HNRNPM: variants seen among roughly 807,000 people sequenced by gnomAD.
HNRNPM encodes the protein CEA receptor.
HNRNPM carries 11 observed loss-of-function variants against 73.1 expected under a neutral mutation model. That is an observed-to-expected ratio of 0.15 (90% CI 0.09 to 0.25). HNRNPM has a LOEUF of 0.25. Ranked by LOEUF, HNRNPM falls within the 10% of genes least tolerant of loss-of-function variation. The probability of loss-of-function intolerance (pLI) is 1.00; values close to 1 mark genes in which losing one functional copy is unlikely to be tolerated. For missense variants in HNRNPM, 789 were observed against 1,067.9 expected (o/e 0.74, Z 3.64); for synonymous variants, 407 against 355.2 (o/e 1.15, Z -1.64).
chr19:8,468,503 G>C (rs1969911260), intron 8 of HNRNPM, among the ~76,000 whole-genome samples: 1 of 152,132 alleles, frequency 6.6e-6, no homozygotes, highest in African/African-American at 2.4e-5. Flanking sequence ...AAAGTCAAAA[G>C]GCATGAAAAG....
Sources: allele counts gnomAD v4.1 joint callset (sites outside exome capture counted in the v4.1 genomes callset), GRCh38; gene constraint gnomAD v4.1.1; transcripts MANE v1.5; gene names NCBI Gene and HGNC (gene_info 2026-07-23, HGNC 2026-07-21).